Variants in GRID1 observed in about 807,000 individuals in gnomAD.
GRID1 encodes glutamate ionotropic receptor delta type subunit 1, also known as glutamate receptor ionotropic, delta-1.
GRID1 carries 28 observed loss-of-function variants against 98.0 expected under a neutral mutation model. The observed-to-expected ratio is 0.29, with a 90% CI of 0.21 to 0.39. The LOEUF (loss-of-function observed/expected upper bound fraction) is 0.39, where lower values mean the gene tolerates loss of function less well. Among genes scored for constraint, GRID1 ranks in the 10% least tolerant of loss-of-function variants. The probability of loss-of-function intolerance (pLI) is 1.00; values close to 1 mark genes in which losing one functional copy is unlikely to be tolerated. For missense variants in GRID1, 1,111 were observed against 1,340.5 expected, an observed-to-expected ratio of 0.83 and a Z score of 2.67; for synonymous variants, 553 against 538.5, an observed-to-expected ratio of 1.03 and a Z score of -0.37.
intron 4 of GRID1, among the ~76,000 whole-genome samples, chr10:85,974,019 C>A (rs553211419): frequency 1.3e-5 from 2 of 152,196 alleles, no homozygotes; most frequent in African/African-American, 4.8e-5. Context: ...CAGCTCCACA[C>A]GTCCCATTCT....
intron 5 of GRID1, among the ~76,000 whole-genome samples, chr10:85,889,990 A>G (rs1474280631): frequency 6.6e-6 from 1 of 152,182 alleles, no homozygotes; most frequent in Non-Finnish European, 1.5e-5. Context: ...TGATCAGATC[A>G]GGGTGATTAG....
intron 2 of GRID1, among the ~76,000 whole-genome samples, chr10:86,207,870 T>G (rs1264925261): frequency 6.6e-6 from 1 of 152,122 alleles, no homozygotes; most frequent in Non-Finnish European, 1.5e-5. Flanking sequence ...GACCTCGTGA[T>G]CCGCCCGTCT....
At chr10:85,865,924 T>C (rs1341988318) in intron 6 of GRID1, among the ~76,000 whole-genome samples, 4 of 112,978 alleles carry the variant, frequency 3.5e-5, no homozygotes, top group African/African-American at 1.1e-4. Context: ...TATATATATA[T>C]ATATATATAT....
chr10:85,766,048 G>A (rs1176944954), intron 8 of GRID1, among the ~76,000 whole-genome samples: 16 of 152,224 alleles, frequency 1.1e-4, no homozygotes, highest in Non-Finnish European at 2.4e-4. Flanking sequence ...TGTCGTGGCA[G>A]TACATGTGCT....
chr10:85,800,810 G>A (rs756732597), intron 8 of GRID1, among the ~76,000 whole-genome samples: 8 of 151,944 alleles, frequency 5.3e-5, no homozygotes, highest in Non-Finnish European at 1.2e-4. Context: ...CCTATGAGGT[G>A]GATATAATTC....
intron 2 of GRID1, among the ~76,000 whole-genome samples, chr10:86,340,814 A>C (rs1848299824): frequency 6.6e-6 from 1 of 152,128 alleles, no homozygotes; most frequent in Admixed American, 6.5e-5. Context: ...CTGGAGCGGG[A>C]AGCTGCCTGG....
rs1446202655 is a variant in GRID1 at position 86,280,153 on chromosome 10, T to C, written c.236-73505A>G. ...AGGAGGTCAAGGCTACAGTGAGCTA[T>C]GATTGTGCTCCAGCCTGGGCAACAG... is the stretch of plus-strand genomic sequence containing the variant. On this transcript the variant is annotated intron_variant, in intron 2 of 15. Transcript: ENST00000327946. 3.9e-5 allele frequency among the ~76,000 whole-genome samples: 6 copies of C among 152,146 alleles called. No homozygotes were observed. In the South Asian group the frequency reaches 1.2e-3, roughly 32 times the overall value.
At chr10:86,170,996 C>T (rs1589396401) in intron 3 of GRID1, among the ~76,000 whole-genome samples, 4 of 152,166 alleles carry the variant, frequency 2.6e-5, no homozygotes, top group Admixed American at 2.6e-4. Flanking sequence ...CGCCACCACC[C>T]GTTCAGCGTG....
chr10:86,204,494 G>C (rs989134638), intron 3 of GRID1, among the ~76,000 whole-genome samples: 2 of 152,364 alleles, frequency 1.3e-5, no homozygotes, highest in East Asian at 3.9e-4. Flanking sequence ...CAGCTCTGTA[G>C]GACAGGTGGG....
At chr10:85,984,068 C>A (rs984927084) in intron 4 of GRID1, among the ~76,000 whole-genome samples, 1 of 151,990 alleles carries the variant, frequency 6.6e-6, no homozygotes, top group Non-Finnish European at 1.5e-5. Context: ...TAATCTGAAT[C>A]CAGCCCTCCT....
chr10:85,816,180 C>T (rs537052251), intron 8 of GRID1, among the ~76,000 whole-genome samples: 2 of 152,196 alleles, frequency 1.3e-5, no homozygotes, highest in South Asian at 2.1e-4. Flanking sequence ...TCAAGGTATA[C>T]ATCCAAATGA....
At chr10:86,055,925 C>T (rs927645175) in intron 4 of GRID1, among the ~76,000 whole-genome samples, 11 of 152,162 alleles carry the variant, frequency 7.2e-5, no homozygotes, top group Admixed American at 5.9e-4. Context: ...ACCCTGATAT[C>T]GAACTTCCCA....
intron 2 of GRID1, among the ~76,000 whole-genome samples, chr10:86,221,856 C>A (rs963166038): frequency 1.3e-5 from 2 of 151,692 alleles, no homozygotes; most frequent in African/African-American, 2.4e-5. Flanking sequence ...GAGGATGCAG[C>A]CAGAGGGCTG....
intron 8 of GRID1, among the ~76,000 whole-genome samples, chr10:85,806,915 C>T (rs561228135): frequency 1.3e-5 from 2 of 152,030 alleles, no homozygotes; most frequent in East Asian, 3.9e-4. Flanking sequence ...AAAATGGGTG[C>T]ACTTTAATAT....
chr10:85,773,928 C>T (rs1367954464), intron 8 of GRID1, among the ~76,000 whole-genome samples: 6 of 152,160 alleles, frequency 3.9e-5, no homozygotes, highest in Non-Finnish European at 7.4e-5. Context: ...CAATGCCATT[C>T]CCATCAAGCT....
At chr10:86,091,118 C>T (rs1015208951) in intron 4 of GRID1, among the ~76,000 whole-genome samples, 3 of 152,080 alleles carry the variant, frequency 2.0e-5, no homozygotes, top group Non-Finnish European at 2.9e-5. Context: ...ACAATTTGAG[C>T]GGGGTGAGAA....
At chr10:85,935,371 T>A (rs1841912835) in intron 4 of GRID1, among the ~76,000 whole-genome samples, 2 of 152,078 alleles carry the variant, frequency 1.3e-5, no homozygotes, top group South Asian at 2.1e-4. Flanking sequence ...ATTACAAATA[T>A]CCTCCCAAAA....
chr10:85,996,508 T>C (rs984598694), intron 4 of GRID1, among the ~76,000 whole-genome samples: 1 of 152,142 alleles, frequency 6.6e-6, no homozygotes, highest in African/African-American at 2.4e-5. Context: ...ATCAATAAAC[T>C]TGAAGACACA....
rs1261757279 is a variant in GRID1, at chr10:85,600,085, T to C, written c.*2188A>G. The C allele has an allele frequency of 6.6e-6, 1 of 151,872 alleles. No individual in the cohort carries two copies. The highest frequency in any genetic ancestry group is 1.5e-5 in the Non-Finnish European group (1 of 67,970). The allele number at this position is 151,872 out of a possible 1,614,324, so 9.4% of individuals were successfully genotyped here. ...TCAGGGGGCAATGAGGAAACAGAGT[T>C]GGTGTGAGATAAGGCAGTGAGACCA... On this transcript the variant is annotated 3_prime_UTR_variant, in exon 16 of 16. Coordinates refer to ENST00000327946, the MANE Select transcript of GRID1 (RefSeq NM_017551.3).
Sources: gnomAD v4.1 joint callset for allele counts (sites outside exome capture counted in the v4.1 genomes callset) on GRCh38, gnomAD v4.1.1 for gene constraint, MANE v1.5 for transcripts, NCBI Gene and HGNC (gene_info 2026-07-23, HGNC 2026-07-21) for gene names.